Variants in SHPRH observed in about 807,000 individuals in gnomAD.
The protein encoded by SHPRH is SNF2 histone linker PHD RING helicase.
In SHPRH, 106 loss-of-function variants were observed where a neutral mutation model predicts 202.5. The ratio of observed to expected loss-of-function variants is 0.52; its 90% confidence interval spans 0.45 to 0.62. The LOEUF (loss-of-function observed/expected upper bound fraction) is 0.62, where lower values mean the gene tolerates loss of function less well. SHPRH is among the 20% of genes least tolerant of loss of function. SHPRH has a pLI of 0.00. For synonymous variants in SHPRH, 729 were observed against 686.0 expected, an observed-to-expected ratio of 1.06 and a Z score of -0.98; for missense variants, 1,710 against 2,020.0, an observed-to-expected ratio of 0.85 and a Z score of 2.94.
chr6:145,880,611 A>T (rs1780515937), downstream of SHPRH, among the ~76,000 whole-genome samples: 1 of 151,814 alleles, frequency 6.6e-6, no homozygotes, highest in African/African-American at 2.4e-5. Context: ...CGTGGGTAAC[A>T]CAGTGAGATC....
chr6:145,869,955 T>C (rs1448946686), intron 2 of SHPRH, among the ~76,000 whole-genome samples: 1 of 152,016 alleles, frequency 6.6e-6, no homozygotes, highest in Admixed American at 6.6e-5. Context: ...CTTGAGAATA[T>C]TGAGCCTTGC....
chr6:145,945,139 A>C (rs1787229683), intron 8 of SHPRH, among the ~76,000 whole-genome samples: 1 of 152,160 alleles, frequency 6.6e-6, no homozygotes, highest in African/African-American at 2.4e-5. Flanking sequence ...CACTCAATAA[A>C]TATCTGAGTA....
chr6:145,954,824 G>A lies in SHPRH; in HGVS notation c.499C>T (p.Pro167Ser), dbSNP rs777724332. The change falls in exon 2 of 30, where the codon CCG (proline) becomes TCG (serine). Residue 167 changes from proline to serine, a missense_variant. By Grantham distance (74) the Pro-to-Ser change is moderately conservative. Coordinates refer to ENST00000275233, the MANE Select transcript of SHPRH (RefSeq NM_001042683.3). ...GEDVEKQKKE[P>S]MSICDKGILV... Reference sequence around the variant, plus strand: ...ATACCCTTGTCACAAATACTCATCGGTTCTTTTTTTTGTTTCTCTACATCT... The same window carrying A: ...ATACCCTTGTCACAAATACTCATCGATTCTTTTTTTTGTTTCTCTACATCT... 19 of 1,613,730 alleles carry A rather than the reference G, an allele frequency of 1.2e-5. No homozygotes were observed. Among genetic ancestry groups the A allele is most frequent in the African/African-American group, 6.7e-5 (5 of 74,980 alleles).
At chr6:145,918,560 T>C (rs1784149779) in intron 22 of SHPRH, 1 of 158,406 alleles carries the variant, frequency 6.3e-6, no homozygotes, top group Non-Finnish European at 1.4e-5. Flanking sequence ...AAAAGTTAAA[T>C]GATCTGTTGC....
At chr6:145,900,929 G>C (rs150604651) in intron 25 of SHPRH, among the ~76,000 whole-genome samples, 18 of 152,072 alleles carry the variant, frequency 1.2e-4, no homozygotes, top group African/African-American at 4.1e-4. Context: ...CTGCAAATGT[G>C]GGGGGCCAAC....
At chr6:145,891,214 C>A (rs1237678640) in intron 28 of SHPRH, among the ~76,000 whole-genome samples, 1 of 152,166 alleles carries the variant, frequency 6.6e-6, no homozygotes, top group Non-Finnish European at 1.5e-5. Flanking sequence ...CACTTCAACT[C>A]CTGCTTCTCT....
At chr6:145,909,428 G>C (rs1783284387) in intron 25 of SHPRH, 1 of 152,024 alleles carries the variant, frequency 6.6e-6, no homozygotes, top group Non-Finnish European at 1.5e-5. Context: ...TATCCCAACA[G>C]ACTAAAGAGC....
At chr6:145,903,916 T>C (rs1782722530) in intron 25 of SHPRH, 2 of 152,214 alleles carry the variant, frequency 1.3e-5, no homozygotes, top group South Asian at 4.1e-4. Context: ...CTTTGTGAGA[T>C]GCCCAGTAGG....
At chr6:145,891,171 C>T (rs1289329836) in intron 28 of SHPRH, among the ~76,000 whole-genome samples, 2 of 152,136 alleles carry the variant, frequency 1.3e-5, no homozygotes, top group African/African-American at 4.8e-5. Context: ...GCTTCCTGGG[C>T]CCAATGTAAT....
At chr6:145,909,562 G>C (rs1356852282) in intron 25 of SHPRH, 3 of 152,092 alleles carry the variant, frequency 2.0e-5, no homozygotes, top group Non-Finnish European at 4.4e-5. Flanking sequence ...ACTACTGGTA[G>C]TGAATTTCAA....
At chr6:145,945,085 T>C (rs907703044) in intron 8 of SHPRH, among the ~76,000 whole-genome samples, 4 of 152,070 alleles carry the variant, frequency 2.6e-5, no homozygotes, top group East Asian at 3.9e-4. Flanking sequence ...ATACAGAAGA[T>C]GCTTTATACT....
At chr6:145,949,086 A>G (rs1787706728) in intron 4 of SHPRH, among the ~76,000 whole-genome samples, 1 of 152,062 alleles carries the variant, frequency 6.6e-6, no homozygotes, top group Non-Finnish European at 1.5e-5. Flanking sequence ...CGAAGCCAGT[A>G]AAAAGGGAAT....
downstream of SHPRH, among the ~76,000 whole-genome samples, chr6:145,860,637 G>GA (rs1286707619): frequency 6.6e-6 from 1 of 151,836 alleles, no homozygotes; most frequent in Non-Finnish European, 1.5e-5. Flanking sequence ...TCCAGAAATA[G>GA]AAAAAAGAAT....
intron 23 of SHPRH, 69 bp downstream of exon 23, chr6:145,918,055 TAATTATG>T: frequency 9.3e-7 from 1 of 1,079,378 alleles, no homozygotes; most frequent in Non-Finnish European, 1.4e-6. Flanking sequence ...TTTGCACCAT[TAATTATG>T]AAAGGAGTCA....
chr6:145,911,272 G>A (rs976660546), intron 24 of SHPRH, among the ~76,000 whole-genome samples: 1 of 152,032 alleles, frequency 6.6e-6, no homozygotes, highest in East Asian at 1.9e-4. Context: ...GAGTAGCTGG[G>A]ATTACAAGCA....
intron 9 of SHPRH, 66 bp from the exon 10 acceptor site, chr6:145,941,940 C>G: frequency 6.4e-7 from 1 of 1,557,956 alleles, no homozygotes. Context: ...AATATTCACT[C>G]ATTTATACCC....
At chr6:145,908,132 T>C (rs1230471541) in intron 25 of SHPRH, 1 of 152,212 alleles carries the variant, frequency 6.6e-6, no homozygotes, top group Non-Finnish European at 1.5e-5. Flanking sequence ...ACATGGTGCA[T>C]ATGTACTATA....
chr6:145,959,108 T>C (rs1336828520), intron 1 of SHPRH, among the ~76,000 whole-genome samples: 1 of 152,196 alleles, frequency 6.6e-6, no homozygotes. Context: ...GTGCTGGGAC[T>C]ACAGGCGTGA....
intron 25 of SHPRH, among the ~76,000 whole-genome samples, chr6:145,897,410 A>G (rs1331653498): frequency 2.6e-5 from 4 of 152,100 alleles, no homozygotes; most frequent in African/African-American, 9.6e-5. Context: ...TCTCCCCTCA[A>G]AGAAAAGCAT....
Sources: allele counts gnomAD v4.1 joint callset (sites outside exome capture counted in the v4.1 genomes callset), GRCh38; gene constraint gnomAD v4.1.1; transcripts MANE v1.5; gene names NCBI Gene and HGNC (gene_info 2026-07-23, HGNC 2026-07-21).